LRP1B: variants seen among roughly 807,000 people sequenced by gnomAD.
The protein encoded by LRP1B is low-density lipoprotein receptor-related protein 1B.
In LRP1B, 217 loss-of-function variants were observed where a neutral mutation model predicts 556.6. The observed-to-expected ratio is 0.39, with a 90% CI of 0.35 to 0.44. LRP1B has a LOEUF of 0.44. LRP1B is among the 20% of genes least tolerant of loss of function. LRP1B has a pLI of 1.00. For missense variants in LRP1B, 5,053 were observed against 5,620.8 expected (o/e 0.90, Z 3.23); for synonymous variants, 2,047 against 1,865.8 (o/e 1.10, Z -2.50).
At chr2:141,094,408 T>C (rs1421208540) in intron 7 of LRP1B, among the ~76,000 whole-genome samples, 1 of 152,186 alleles carries the variant, frequency 6.6e-6, no homozygotes, top group Non-Finnish European at 1.5e-5. Context: ...TTAAACCATC[T>C]AATTTTAGTG....
chr2:141,299,559 T>C (rs1007026165), intron 3 of LRP1B, among the ~76,000 whole-genome samples: 2 of 152,224 alleles, frequency 1.3e-5, no homozygotes, highest in African/African-American at 2.4e-5. Context: ...GTCATGAATT[T>C]AGTCAATTTA....
intron 7 of LRP1B, among the ~76,000 whole-genome samples, chr2:141,178,876 G>A (rs184514365): frequency 6.6e-6 from 1 of 151,972 alleles, no homozygotes; most frequent in African/African-American, 2.4e-5. Context: ...GAGAAAAGCT[G>A]CCCATCAGCA....
rs550217290 is a variant in LRP1B at position 142,078,926 on chromosome 2, A to G, written c.82+51722T>C. Among the ~76,000 whole-genome samples the G allele has an allele frequency of 2.1e-4, 32 of 152,326 alleles. 1 individual carries two copies. In the South Asian group the frequency reaches 5.8e-3, roughly 28 times the overall value. ...GTAGAGAAAATATTCTATATGGCTTATAATCTATTTAGTAAATAGTTCTAG... is the reference window on the plus strand; with the variant it reads ...GTAGAGAAAATATTCTATATGGCTTGTAATCTATTTAGTAAATAGTTCTAG... On this transcript the variant is annotated intron_variant, in intron 1 of 90. Transcript: ENST00000389484.
chr2:141,372,765 C>T (rs1689277801), intron 3 of LRP1B, among the ~76,000 whole-genome samples: 1 of 151,824 alleles, frequency 6.6e-6, no homozygotes, highest in Admixed American at 6.6e-5. Flanking sequence ...CTTCTCTCTT[C>T]TTGGTTAGTC....
chr2:141,306,128 TCTTC>T (rs1394152392), intron 3 of LRP1B, among the ~76,000 whole-genome samples: 4 of 125,664 alleles, frequency 3.2e-5, no homozygotes, highest in Non-Finnish European at 6.8e-5. Flanking sequence ...AATTACCTAC[TCTTC>T]AATTATTTAG....
chr2:141,232,518 G>A (rs536256629), intron 5 of LRP1B, among the ~76,000 whole-genome samples: 1 of 152,296 alleles, frequency 6.6e-6, no homozygotes, highest in South Asian at 2.1e-4. Flanking sequence ...GAATATAAAG[G>A]AGCGCTGAGA....
At chr2:141,979,717 C>T (rs1701990012) in intron 1 of LRP1B, among the ~76,000 whole-genome samples, 2 of 151,848 alleles carry the variant, frequency 1.3e-5, no homozygotes, top group Non-Finnish European at 2.9e-5. Flanking sequence ...AGGAATATTC[C>T]ATTTAAATTA....
chr2:141,134,231 C>T (rs965127136), intron 7 of LRP1B, among the ~76,000 whole-genome samples: 2 of 151,786 alleles, frequency 1.3e-5, no homozygotes, highest in African/African-American at 4.8e-5. Context: ...AATATAGCCA[C>T]GGATTCTAGT....
At chr2:141,423,318 A>G (rs1185691405) in intron 3 of LRP1B, among the ~76,000 whole-genome samples, 13 of 45,302 alleles carry the variant, frequency 2.9e-4, no homozygotes, top group Non-Finnish European at 6.2e-4. Flanking sequence ...TTTTTTTTTA[A>G]GGGCAAATAT....
chr2:141,029,498 G>A (rs1036688887), intron 11 of LRP1B, among the ~76,000 whole-genome samples: 3 of 152,124 alleles, frequency 2.0e-5, no homozygotes, highest in Admixed American at 1.3e-4. Flanking sequence ...GGACCACAGG[G>A]TGACTGCTGT....
At chr2:142,064,627 G>A (rs1705038401) in intron 1 of LRP1B, among the ~76,000 whole-genome samples, 1 of 151,394 alleles carries the variant, frequency 6.6e-6, no homozygotes. Context: ...CAACTACTCT[G>A]TGCAATGTCT....
intron 43 of LRP1B, among the ~76,000 whole-genome samples, chr2:140,577,352 G>A (rs1011854292): frequency 2.0e-5 from 3 of 151,570 alleles, no homozygotes; most frequent in African/African-American, 7.3e-5. Flanking sequence ...GCCTGGTGGT[G>A]CGCACCTGTA....
At chr2:141,336,947 G>A (rs1265319740) in intron 3 of LRP1B, among the ~76,000 whole-genome samples, 1 of 152,050 alleles carries the variant, frequency 6.6e-6, no homozygotes, top group East Asian at 1.9e-4. Flanking sequence ...TCCATTGAAG[G>A]GCATTTGGCT....
intron 3 of LRP1B, 173 bp downstream of exon 3, chr2:141,480,223 T>C: frequency 1.5e-6 from 1 of 685,076 alleles, no homozygotes; most frequent in Non-Finnish European, 2.5e-6. Context: ...TGCTCAAACA[T>C]AATACTTGCA....
intron 43 of LRP1B, among the ~76,000 whole-genome samples, chr2:140,544,299 A>G (rs938048241): frequency 6.6e-6 from 1 of 151,586 alleles, no homozygotes; most frequent in Non-Finnish European, 1.5e-5. Flanking sequence ...GGTTTGTTAT[A>G]TAGGTAAATT....
intron 11 of LRP1B, among the ~76,000 whole-genome samples, chr2:141,031,222 G>A (rs535006663): frequency 1.3e-5 from 2 of 149,100 alleles, no homozygotes; most frequent in African/African-American, 4.9e-5. Flanking sequence ...TTTTTCTGGA[G>A]GAGCTATATA....
At chr2:141,096,629 G>GGAGAGAGAGAGAGAGAGAGA (rs756327718) in intron 7 of LRP1B, among the ~76,000 whole-genome samples, 3 of 59,740 alleles carry the variant, frequency 5.0e-5, no homozygotes, top group African/African-American at 7.3e-5. Context: ...GGGGAGAGGG[G>GGAGAGAGAGAGAGAGAGAGA]GAGAGAGAGA....
intron 2 of LRP1B, among the ~76,000 whole-genome samples, chr2:141,639,347 T>TACACAC (rs1300773531): frequency 0.024 from 1,413 of 59,032 alleles, 7 homozygotes; most frequent in Non-Finnish European, 0.031. Context: ...TATATATATA[T>TACACAC]ATACACACAC....
rs567556533 is a variant in LRP1B, at chr2:141,044,965, G to A, written c.1789+4021C>T. On this transcript the variant is annotated intron_variant, in intron 11 of 90. Transcript: ENST00000389484. ...AAATCATGCTGCTATAAAGACACAGGCACACGTATGTTTATTGCAGCATTA... is the reference window on the plus strand; with the variant it reads ...AAATCATGCTGCTATAAAGACACAGACACACGTATGTTTATTGCAGCATTA... Among the ~76,000 whole-genome samples, 606 of 150,572 alleles carry A rather than the reference G, an allele frequency of 4.0e-3. 15 individuals are homozygous for A. The highest frequency in any genetic ancestry group is 0.037 in the Admixed American group (555 of 15,072).
Sources: allele counts gnomAD v4.1 joint callset (sites outside exome capture counted in the v4.1 genomes callset), GRCh38; gene constraint gnomAD v4.1.1; transcripts MANE v1.5; gene names NCBI Gene and HGNC (gene_info 2026-07-23, HGNC 2026-07-21).